MAX: variants seen among roughly 807,000 people sequenced by gnomAD.
MAX encodes protein max.
In MAX, 3 loss-of-function variants were observed where a neutral mutation model predicts 22.3. The ratio of observed to expected loss-of-function variants is 0.13; its 90% CI spans 0.06 to 0.35. The LOEUF (loss-of-function observed/expected upper bound fraction) is 0.35, where lower values mean the gene tolerates loss of function less well. Ranked by LOEUF, MAX falls within the 10% of genes least tolerant of loss-of-function variation. The probability of loss-of-function intolerance (pLI) is 1.00; values close to 1 mark genes in which losing one functional copy is unlikely to be tolerated. For synonymous variants in MAX, 72 were observed against 77.7 expected (o/e 0.93, Z 0.39); for missense variants, 119 against 209.4 (o/e 0.57, Z 2.66).
chr14:65,020,851 C>G (rs2061873635), intron 3 of MAX, among the ~76,000 whole-genome samples: 1 of 151,392 alleles, frequency 6.6e-6, no homozygotes, highest in African/African-American at 2.4e-5. Context: ...CCTGCCTCAG[C>G]TTCCCAAGTA....
rs983060529 is a variant in MAX at position 65,088,179 on chromosome 14, G to A, written c.171+5529C>T. Among the ~76,000 whole-genome samples the A allele has an allele frequency of 3.3e-5, 5 of 152,078 alleles. No homozygotes were observed. Among genetic ancestry groups the A allele is most frequent in the African/African-American group, 4.8e-5 (2 of 41,400 alleles). ...ATGTCTTTATCAGCAGCACGAAAAC[G>A]GACTAATACAAGGGTGTATAGTAAC... is the stretch of plus-strand genomic sequence containing the variant. On this transcript the variant is annotated intron_variant, in intron 3 of 4. Transcript: ENST00000358664. This position sits in a 1 kb window ranked among gnomAD's most constrained non-coding sequence, Gnocchi z 5.2.
intron 3 of MAX, among the ~76,000 whole-genome samples, chr14:65,065,172 A>G (rs540322118): frequency 7.2e-5 from 11 of 152,302 alleles, no homozygotes; most frequent in Admixed American, 3.3e-4. Flanking sequence ...AGGGGATGGT[A>G]GAATGTGTGG....
chr14:65,013,365 G>A lies in MAX; in HGVS notation c.172-7081C>T, dbSNP rs550086360. 1.8e-4 allele frequency among the ~76,000 whole-genome samples: 27 copies of A among 150,118 alleles called. No individual in the cohort carries two copies. In the East Asian group the frequency reaches 4.5e-3, roughly 25 times the overall value. ...TCCTCCAAATGAAGCCGGAAATCACGTTTTCATGTGACTCTCCTGACAAAT... is the reference window on the plus strand; with the variant it reads ...TCCTCCAAATGAAGCCGGAAATCACATTTTCATGTGACTCTCCTGACAAAT... On this transcript the variant is annotated intron_variant, in intron 3 of 3. Transcript: ENST00000341653.
intron 3 of MAX, among the ~76,000 whole-genome samples, chr14:65,081,459 G>A (rs1402258251): frequency 1.3e-5 from 2 of 152,050 alleles, no homozygotes; most frequent in South Asian, 4.1e-4. Context: ...GTGGGGGCAG[G>A]GCCTTCCTTG....
At chr14:65,060,090 C>T (rs1456152586) in intron 3 of MAX, among the ~76,000 whole-genome samples, 1 of 151,718 alleles carries the variant, frequency 6.6e-6, no homozygotes, top group Non-Finnish European at 1.5e-5. Context: ...ACCTCGGCCT[C>T]CCAAAATGCT....
intron 3 of MAX, among the ~76,000 whole-genome samples, chr14:65,042,153 T>C (rs1216176130): frequency 6.6e-6 from 1 of 151,882 alleles, no homozygotes; most frequent in Non-Finnish European, 1.5e-5. Context: ...AAGGGACCAG[T>C]TTTGTGGGAG....
rs2063161420 is a variant in MAX, at chr14:65,079,949, T to C, written c.172-1913A>G. ...AATTACGTACAAGATACTAGGCAGA[T>C]ACTGTGGGGAAACAAAATGTATTAG... On this transcript the variant is annotated intron_variant, in intron 3 of 4. Coordinates refer to ENST00000358664, the MANE Select transcript of MAX (RefSeq NM_002382.5). The surrounding 1 kb of genome is among the most constrained non-coding windows in gnomAD (Gnocchi z 4.5). Among the ~76,000 whole-genome samples, 1 of 152,342 alleles carries C rather than the reference T, an allele frequency of 6.6e-6. No homozygotes were observed. Among genetic ancestry groups the C allele is most frequent in the East Asian group, 1.9e-4 (1 of 5,194 alleles).
At chr14:65,056,629 G>A (rs564326121) in intron 3 of MAX, among the ~76,000 whole-genome samples, 1 of 152,144 alleles carries the variant, frequency 6.6e-6, no homozygotes, top group Non-Finnish European at 1.5e-5. Flanking sequence ...TGTCTTCTGC[G>A]AATTGTCTGC....
intron 3 of MAX, among the ~76,000 whole-genome samples, chr14:65,089,110 T>C (rs184286234): frequency 6.6e-6 from 1 of 152,340 alleles, no homozygotes; most frequent in African/African-American, 2.4e-5. Context: ...TTATGTCTTT[T>C]AACCTCTACA....
In MAX at chr14:65,044,114, G is replaced by A. The variant is rs544356940; in HGVS notation, c.172-37830C>T. 3.3e-5 allele frequency among the ~76,000 whole-genome samples: 5 copies of A among 152,254 alleles called. No homozygotes were observed. The highest frequency in any genetic ancestry group is 1.9e-4 in the East Asian group (1 of 5,184). ...GATCAGTGCTGGATGCCTCTACAGCGTTGGCTTAAATGCTTCACTCTGTGT... is the reference window on the plus strand; with the variant it reads ...GATCAGTGCTGGATGCCTCTACAGCATTGGCTTAAATGCTTCACTCTGTGT... On this transcript the variant is annotated intron_variant, in intron 3 of 3. Transcript: ENST00000341653. This position sits in a 1 kb window ranked among gnomAD's most constrained non-coding sequence, Gnocchi z 5.5.
Position 65,054,508 on chromosome 14 carries a change from G to A in MAX, c.171+39200C>T, listed in dbSNP as rs1003095963. ...GATTGCACCAGTGGTCTCTGAATTG[G>A]TGTGGCTACATTTGTAGATGTGTGC... is the stretch of plus-strand genomic sequence containing the variant. On this transcript the variant is annotated intron_variant, in intron 3 of 3. Transcript: ENST00000341653. The surrounding 1 kb of genome is among the most constrained non-coding windows in gnomAD (Gnocchi z 4.4). 5 of 1,490,988 alleles carry A rather than the reference G, an allele frequency of 3.4e-6. No individual in the cohort carries two copies. The African/African-American group carries it at 5.5e-5, about 17-fold the overall frequency. The allele number at this position is 1,490,988 out of a possible 1,614,324, so 92.4% of individuals were successfully genotyped here. A position where few individuals can be genotyped will look rare whatever the true frequency, so the allele number is the denominator to read the frequency against.
intron 2 of MAX, among the ~76,000 whole-genome samples, chr14:65,100,572 T>C (rs2063801859): frequency 6.6e-6 from 1 of 152,228 alleles, no homozygotes; most frequent in South Asian, 2.1e-4. Flanking sequence ...TGCTCTCCAG[T>C]ACCCAAGCCC....
At chr14:65,036,131 C>T (rs1410005188) in intron 3 of MAX, among the ~76,000 whole-genome samples, 1 of 152,124 alleles carries the variant, frequency 6.6e-6, no homozygotes, top group South Asian at 2.1e-4. Context: ...CGATGGCCAG[C>T]CTGCCATTTC....
In MAX at chr14:65,078,046, T is replaced by C. The variant is rs1375355923; in HGVS notation, c.172-10A>G. On this transcript the variant is annotated splice_polypyrimidine_tract_variant and intron_variant, in intron 3 of 4. Coordinates refer to ENST00000358664, the MANE Select transcript of MAX (RefSeq NM_002382.5). The surrounding 1 kb of genome is among the most constrained non-coding windows in gnomAD (Gnocchi z 6.4). ...TTTGGGCCCGGGATGCCTGTGGCAATATGAGAAAAAGCACAGGGGACAAAA... is the reference window on the plus strand; with the variant it reads ...TTTGGGCCCGGGATGCCTGTGGCAACATGAGAAAAAGCACAGGGGACAAAA... 2 of 1,614,028 alleles carry C rather than the reference T, an allele frequency of 1.2e-6. No individual in the cohort carries two copies.
intron 3 of MAX, among the ~76,000 whole-genome samples, chr14:65,042,443 G>A (rs913795905): frequency 1.6e-4 from 24 of 152,250 alleles, no homozygotes; most frequent in African/African-American, 5.5e-4. Flanking sequence ...GGCATACACG[G>A]TTCACAGTAG....
chr14:65,083,668 G>C, intron 3 of MAX: 9 of 963,740 alleles, frequency 9.3e-6, no homozygotes, highest in Non-Finnish European at 8.8e-6. Flanking sequence ...CCAGTGGGCT[G>C]ATGTTACAGC....
In MAX at chr14:65,076,387, A is replaced by G; in HGVS notation, c.*89T>C. ...GAAAGAGAAAAATAAAGAGTCTCTT[A>G]AATGGTTCTGAGGGCTCTACCAACG... On this transcript the variant is annotated 3_prime_UTR_variant, in exon 5 of 5. Coordinates refer to ENST00000358664, the MANE Select transcript of MAX (RefSeq NM_002382.5). This position sits in a 1 kb window ranked among gnomAD's most constrained non-coding sequence, Gnocchi z 6.6. 5 of 1,606,200 alleles carry G rather than the reference A, an allele frequency of 3.1e-6. No individual in the cohort carries two copies. Among genetic ancestry groups the G allele is most frequent in the Non-Finnish European group, 4.3e-6 (5 of 1,176,276 alleles).
At chr14:65,083,967 G>C in intron 3 of MAX, 1 of 1,408,786 alleles carries the variant, frequency 7.1e-7, no homozygotes, top group Non-Finnish European at 9.3e-7. Context: ...TTCAAAAATG[G>C]AACCCCATCA....
At chr14:65,008,913 A>G (rs1008721318) in intron 3 of MAX, among the ~76,000 whole-genome samples, 2 of 152,128 alleles carry the variant, frequency 1.3e-5, no homozygotes, top group Admixed American at 6.5e-5. Flanking sequence ...AGATTTACCC[A>G]CTTGCTCTCC....
Sources: gnomAD v4.1 joint callset for allele counts (sites outside exome capture counted in the v4.1 genomes callset) on GRCh38, gnomAD v4.1.1 for gene constraint, Gnocchi (gnomAD v3.1) non-coding constraint, MANE v1.5 for transcripts, NCBI Gene and HGNC (gene_info 2026-07-23, HGNC 2026-07-21) for gene names.